The following TLN2 variants were observed in gnomAD, a reference collection of about 807,000 sequenced individuals.
TLN2 encodes talin-2.
A neutral mutation model predicts 294.7 loss-of-function variants in TLN2; 118 were observed. The observed-to-expected ratio is 0.40, with a 90% confidence interval of 0.34 to 0.47. The LOEUF is 0.47. TLN2 is among the 20% of genes least tolerant of loss of function. TLN2 has a pLI of 0.84. For synonymous variants in TLN2, 1,431 were observed against 1,304.5 expected (o/e 1.10, Z -2.09); for missense variants, 3,083 against 3,282.2 (o/e 0.94, Z 1.48).
At chr15:62,754,378 T>C (rs1210765132) in intron 36 of TLN2, 1 of 152,372 alleles carries the variant, frequency 6.6e-6, no homozygotes, top group Non-Finnish European at 1.5e-5. Flanking sequence ...CTGTCAGGGC[T>C]CACTTCACAG....
chr15:62,723,246 T>C (rs935555192), intron 26 of TLN2, among the ~76,000 whole-genome samples: 1 of 152,200 alleles, frequency 6.6e-6, no homozygotes, highest in Non-Finnish European at 1.5e-5. Flanking sequence ...AGCTTTAGAC[T>C]ATAGCCAATA....
intron 1 of TLN2, among the ~76,000 whole-genome samples, chr15:62,524,670 A>T (rs913938153): frequency 2.0e-5 from 3 of 152,204 alleles, no homozygotes; most frequent in African/African-American, 7.2e-5. Flanking sequence ...ATACCTATTG[A>T]GATTGTCATC....
intron 3 of TLN2, among the ~76,000 whole-genome samples, chr15:62,631,639 C>CTT (rs1555451389): frequency 2.4e-5 from 3 of 127,244 alleles, no homozygotes; most frequent in African/African-American, 9.2e-5. Flanking sequence ...CCCTTTCTTT[C>CTT]TCTTTCTTTC....
chr15:62,647,552 T>C, intron 4 of TLN2, 106 bp downstream of exon 4: 1 of 1,472,144 alleles, frequency 6.8e-7, no homozygotes, highest in Non-Finnish European at 9.3e-7. Context: ...TATTAGTGCA[T>C]ATGTTTCAAA....
intron 50 of TLN2, among the ~76,000 whole-genome samples, chr15:62,801,212 CT>C (rs2065907704): frequency 6.6e-6 from 1 of 152,192 alleles, no homozygotes; most frequent in African/African-American, 2.4e-5. Context: ...GCCTAGAAGC[CT>C]TTACCTGAGA....
At chr15:62,727,268 C>T in intron 28 of TLN2, 79 bp downstream of exon 28, 1 of 1,295,362 alleles carries the variant, frequency 7.7e-7, no homozygotes, top group Non-Finnish European at 1.1e-6. Context: ...GAGTTCATTC[C>T]TTTGACAATA....
chr15:62,506,265 G>C (rs935316880), intron 1 of TLN2, among the ~76,000 whole-genome samples: 2 of 152,126 alleles, frequency 1.3e-5, no homozygotes, highest in African/African-American at 2.4e-5. Flanking sequence ...ACATTATCTA[G>C]TGGCTGCTGG....
At chr15:62,722,569 C>T in intron 26 of TLN2, 82 bp downstream of exon 26, 1 of 1,437,176 alleles carries the variant, frequency 7.0e-7, no homozygotes. Context: ...CTGAACACTG[C>T]TGAACCTATT....
chr15:62,582,246 A>ACACACCCACCCC (rs764248336), intron 1 of TLN2, among the ~76,000 whole-genome samples: 1 of 137,240 alleles, frequency 7.3e-6, no homozygotes, highest in Non-Finnish European at 1.6e-5. Flanking sequence ...ACACACACAC[A>ACACACCCACCCC]CATTCATGCC....
intron 7 of TLN2, among the ~76,000 whole-genome samples, chr15:62,655,357 G>T (rs1051130697): frequency 6.6e-6 from 1 of 152,180 alleles, no homozygotes; most frequent in Non-Finnish European, 1.5e-5. Flanking sequence ...TGAGGACAGG[G>T]TTCTCAGAAT....
At chr15:62,529,918 C>T (rs575240061) in intron 1 of TLN2, among the ~76,000 whole-genome samples, 36 of 152,286 alleles carry the variant, frequency 2.4e-4, no homozygotes, top group African/African-American at 8.7e-4. Context: ...AGGCCAGGCA[C>T]CAATGGCTCA....
intron 26 of TLN2, 64 bp from the exon 27 acceptor site, chr15:62,724,912 C>G (rs571678981): frequency 3.0e-5 from 47 of 1,542,814 alleles, no homozygotes; most frequent in Non-Finnish European, 3.8e-5. Context: ...TTATAAGTTG[C>G]AAAAGTGTTG....
chr15:62,486,443 A>G (rs547897825), intron 1 of TLN2, among the ~76,000 whole-genome samples: 3 of 138,992 alleles, frequency 2.2e-5, no homozygotes, highest in African/African-American at 8.0e-5. Flanking sequence ...AATCAGGAAC[A>G]GTTCCTTTGT....
At position 62,401,181 on chromosome 15, in the gene TLN2, A is replaced by G. The variant is rs147450773; in HGVS notation, c.-238+10496A>G. The stretch of plus-strand genomic sequence containing the variant: ...GTCCTTGAGAGATTTGGATGAACCA[A>G]AGCTCAAGCAGAGTATTCCCTAAAA... On this transcript the variant is annotated intron_variant, in intron 1 of 58. Coordinates refer to ENST00000636159, the MANE Select transcript of TLN2 (RefSeq NM_015059.3). Among the ~76,000 whole-genome samples, 410 of 152,292 alleles carry G rather than the reference A, an allele frequency of 2.7e-3. 1 individual carries two copies. The highest frequency in any genetic ancestry group is 9.5e-3 in the African/African-American group (394 of 41,560).
chr15:62,776,053 C>T (rs2063700435), intron 42 of TLN2, among the ~76,000 whole-genome samples: 1 of 152,210 alleles, frequency 6.6e-6, no homozygotes, highest in African/African-American at 2.4e-5. Context: ...TTGGCTGTTC[C>T]CCCTGCATCT....
intron 1 of TLN2, among the ~76,000 whole-genome samples, chr15:62,499,445 AAAAAT>A (rs1299084848): frequency 2.0e-5 from 3 of 152,182 alleles, no homozygotes; most frequent in African/African-American, 7.2e-5. Context: ...GTGTCTCCAA[AAAAAT>A]AAAATAAATA....
At chr15:62,811,096 C>A (rs2066648061) in intron 52 of TLN2, among the ~76,000 whole-genome samples, 1 of 152,234 alleles carries the variant, frequency 6.6e-6, no homozygotes, top group Non-Finnish European at 1.5e-5. Context: ...TTACTATTCC[C>A]AGCTCTGGGC....
chr15:62,602,537 A>G lies in TLN2; in HGVS notation c.-162+12775A>G, dbSNP rs147908512. On this transcript the variant is annotated intron_variant, in intron 2 of 58. Coordinates refer to ENST00000636159, the MANE Select transcript of TLN2 (RefSeq NM_015059.3). ...AGTCTCTTAGTCCATTTGGGCTGCT[A>G]TAAACGGAGTGGCCTATAAACAACA... 2.4e-4 allele frequency among the ~76,000 whole-genome samples: 37 copies of G among 152,342 alleles called. No homozygotes were observed. In the East Asian group the frequency reaches 6.6e-3, roughly 27 times the overall value.
At chr15:62,806,768 C>T (rs895802013) in intron 51 of TLN2, among the ~76,000 whole-genome samples, 1 of 152,196 alleles carries the variant, frequency 6.6e-6, no homozygotes, top group South Asian at 2.1e-4. Flanking sequence ...ACTCCGGCTT[C>T]TGCTCAGCAA....
Sources: gnomAD v4.1 joint callset for allele counts (sites outside exome capture counted in the v4.1 genomes callset) on GRCh38, gnomAD v4.1.1 for gene constraint, MANE v1.5 for transcripts, NCBI Gene and HGNC (gene_info 2026-07-23, HGNC 2026-07-21) for gene names.